Variants in SGCZ observed in about 807,000 individuals in gnomAD.
SGCZ encodes sarcoglycan zeta, also known as zeta-sarcoglycan.
SGCZ carries 40 observed loss-of-function variants against 41.3 expected under a neutral mutation model. The ratio of observed to expected loss-of-function variants is 0.97; its 90% CI spans 0.75 to 1.26. The LOEUF (loss-of-function observed/expected upper bound fraction) is 1.26. Among genes scored for constraint, SGCZ ranks in the 50% most tolerant of loss-of-function variants. The probability of loss-of-function intolerance (pLI) is 0.00; values close to 1 mark genes in which losing one functional copy is unlikely to be tolerated. For synonymous variants in SGCZ, 206 were observed against 137.5 expected (o/e 1.50, Z -3.49); for missense variants, 552 against 369.8 (o/e 1.49, Z -4.04).
At chr8:14,751,911 TAC>T (rs1799509818) in intron 1 of SGCZ, among the ~76,000 whole-genome samples, 1 of 146,414 alleles carries the variant, frequency 6.8e-6, no homozygotes, top group Non-Finnish European at 1.5e-5. Context: ...CAGCTTGGGC[TAC>T]AGAGTGAGAC....
At chr8:14,304,547 C>T (rs1206684471) in intron 3 of SGCZ, among the ~76,000 whole-genome samples, 1 of 152,166 alleles carries the variant, frequency 6.6e-6, no homozygotes, top group Non-Finnish European at 1.5e-5. Flanking sequence ...GAGTCATCAT[C>T]ATGCAACTGC....
intron 1 of SGCZ, among the ~76,000 whole-genome samples, chr8:15,071,847 G>T (rs557548613): frequency 6.6e-6 from 1 of 152,282 alleles, no homozygotes; most frequent in East Asian, 1.9e-4. Flanking sequence ...AGAAGTGACT[G>T]AAACAGAGGT....
intron 1 of SGCZ, among the ~76,000 whole-genome samples, chr8:14,654,738 A>T (rs1217004185): frequency 6.8e-6 from 1 of 146,306 alleles, no homozygotes; most frequent in African/African-American, 2.5e-5. Flanking sequence ...TGCCCAGCTA[A>T]TTTTTTTTTT....
chr8:14,282,067 T>C (rs1800463384), intron 3 of SGCZ, among the ~76,000 whole-genome samples: 2 of 152,146 alleles, frequency 1.3e-5, no homozygotes, highest in Non-Finnish European at 2.9e-5. Flanking sequence ...AAACTTAGTC[T>C]TTCTATATTC....
chr8:14,896,187 G>T (rs17120473), intron 1 of SGCZ, among the ~76,000 whole-genome samples: 15,334 of 152,096 alleles, frequency 0.1, 934 homozygotes, highest in East Asian at 0.2. Flanking sequence ...CTTTTATTTT[G>T]GTCACATTGT....
At chr8:14,714,126 C>G (rs1011665306) in intron 1 of SGCZ, among the ~76,000 whole-genome samples, 1 of 152,020 alleles carries the variant, frequency 6.6e-6, no homozygotes, top group African/African-American at 2.4e-5. Context: ...CACCACCACG[C>G]CCAGCTAATT....
chr8:14,107,072 C>T lies in SGCZ; in HGVS notation c.620+1091G>A, dbSNP rs978268896. 5.3e-5 allele frequency among the ~76,000 whole-genome samples: 8 copies of T among 151,772 alleles called. No homozygotes were observed. The East Asian group carries it at 9.7e-4, about 18-fold the overall frequency. ...TCTACTAAAAATACAAAAAATTAAC[C>T]GGGCACAATGGCGGGCGCCTGTAGT... On this transcript the variant is annotated intron_variant, in intron 6 of 7. Transcript: ENST00000382080.
At chr8:14,372,888 T>C (rs1025784450) in intron 2 of SGCZ, among the ~76,000 whole-genome samples, 7 of 152,180 alleles carry the variant, frequency 4.6e-5, no homozygotes, top group East Asian at 1.9e-4. Flanking sequence ...TAGTAGTTAA[T>C]TGTAAAGGTT....
chr8:14,405,730 G>A (rs1276233121), intron 2 of SGCZ, among the ~76,000 whole-genome samples: 1 of 152,042 alleles, frequency 6.6e-6, no homozygotes, highest in Non-Finnish European at 1.5e-5. Context: ...AAATTATATT[G>A]TACTACACAG....
chr8:14,560,335 C>CATAT (rs56123932), intron 1 of SGCZ, among the ~76,000 whole-genome samples: 162 of 151,170 alleles, frequency 1.1e-3, no homozygotes, highest in African/African-American at 3.5e-3. Flanking sequence ...ATATATACAA[C>CATAT]ATATATATAT....
chr8:14,210,585 C>T (rs1207918222), intron 4 of SGCZ, among the ~76,000 whole-genome samples: 1 of 151,902 alleles, frequency 6.6e-6, no homozygotes, highest in Non-Finnish European at 1.5e-5. Context: ...GCCTCAGCCT[C>T]CTGAGTAGCT....
At position 14,534,289 on chromosome 8, in the gene SGCZ, T is replaced by G. The variant is rs1334737358; in HGVS notation, c.234+20443A>C. Among the ~76,000 whole-genome samples the G allele has an allele frequency of 2.6e-5, 4 of 151,970 alleles. No individual in the cohort carries two copies. In the Admixed American group the frequency reaches 2.6e-4, roughly 10 times the overall value. ...CAGAAACAGAAGAAGGGCTCATTGG[T>G]GTTCAGTGAAAATGGTGGGGAGATA... On this transcript the variant is annotated intron_variant, in intron 2 of 7. Transcript: ENST00000382080.
intron 2 of SGCZ, among the ~76,000 whole-genome samples, chr8:14,501,118 C>A (rs1157233692): frequency 4.6e-5 from 7 of 151,926 alleles, no homozygotes; most frequent in South Asian, 4.2e-4. Flanking sequence ...GGTGACCTTG[C>A]CTTTTCCAGC....
intron 2 of SGCZ, among the ~76,000 whole-genome samples, chr8:14,346,712 A>C (rs577586523): frequency 3.1e-4 from 47 of 152,080 alleles, no homozygotes; most frequent in African/African-American, 8.9e-4. Context: ...TTGAGTTGAA[A>C]TATAAAATCA....
At position 14,853,957 on chromosome 8, in the gene SGCZ, G is replaced by A. The variant is rs181339394; in HGVS notation, c.40-299031C>T. On this transcript the variant is annotated intron_variant, in intron 1 of 7. Coordinates refer to ENST00000382080, the MANE Select transcript of SGCZ (RefSeq NM_139167.4). ...AGGATCTTTCAAGGCCTATATCAAA[G>A]GTCGAAATTTGCCTACTCCTAAGTC... Among the ~76,000 whole-genome samples, 661 of 146,232 alleles carry A rather than the reference G, an allele frequency of 4.5e-3. 6 individuals carry two copies. The highest frequency in any genetic ancestry group is 0.016 in the African/African-American group (629 of 39,912).
intron 1 of SGCZ, among the ~76,000 whole-genome samples, chr8:15,047,468 G>A (rs1320108152): frequency 6.6e-6 from 1 of 151,964 alleles, no homozygotes; most frequent in Non-Finnish European, 1.5e-5. Flanking sequence ...ATTTTTGGCA[G>A]TATATTTAAC....
chr8:14,475,364 T>G (rs983516008), intron 2 of SGCZ, among the ~76,000 whole-genome samples: 1 of 152,128 alleles, frequency 6.6e-6, no homozygotes, highest in African/African-American at 2.4e-5. Flanking sequence ...AAATATAAAT[T>G]TTGTAATTTG....
intron 2 of SGCZ, among the ~76,000 whole-genome samples, chr8:14,355,203 T>G (rs1803250390): frequency 6.6e-6 from 1 of 152,102 alleles, no homozygotes; most frequent in South Asian, 2.1e-4. Flanking sequence ...AGCAGATGTT[T>G]CATTATAACT....
At chr8:14,643,252 G>A (rs551197067) in intron 1 of SGCZ, among the ~76,000 whole-genome samples, 73 of 151,460 alleles carry the variant, frequency 4.8e-4, no homozygotes, top group Non-Finnish European at 8.7e-4. Context: ...CTTCTGTGGT[G>A]GCAATATACA....
Sources: allele counts gnomAD v4.1 joint callset (sites outside exome capture counted in the v4.1 genomes callset), GRCh38; gene constraint gnomAD v4.1.1; transcripts MANE v1.5; gene names NCBI Gene and HGNC (gene_info 2026-07-23, HGNC 2026-07-21).